The following SWT1 variants were observed in gnomAD, a reference collection of about 807,000 sequenced individuals.
SWT1 encodes transcriptional protein SWT1.
In SWT1, 33 loss-of-function variants were observed where a neutral mutation model predicts 107.3. That is an observed-to-expected ratio of 0.31 (90% confidence interval 0.23 to 0.41). SWT1 has a LOEUF of 0.41. SWT1 is among the 10% of genes least tolerant of loss of function. SWT1 has a pLI of 1.00. For synonymous variants in SWT1, 345 were observed against 348.3 expected, an observed-to-expected ratio of 0.99 and a Z score of 0.11; for missense variants, 898 against 1,028.9, an observed-to-expected ratio of 0.87 and a Z score of 1.74.
At chr1:185,277,823 T>G (rs921929554) in intron 18 of SWT1, among the ~76,000 whole-genome samples, 5 of 152,320 alleles carry the variant, frequency 3.3e-5, no homozygotes, top group South Asian at 4.1e-4. Context: ...TCTTTTTTTT[T>G]TGTGGTTTTA....
chr1:185,285,867 A>T (rs928515760), intron 18 of SWT1, among the ~76,000 whole-genome samples: 1 of 152,198 alleles, frequency 6.6e-6, no homozygotes, highest in Admixed American at 6.5e-5. Context: ...AGTTGACCAT[A>T]TATGTGAGGG....
At chr1:185,271,200 C>G (rs1181325203) in intron 16 of SWT1, 123 bp from the exon 17 acceptor site, 2 of 616,166 alleles carry the variant, frequency 3.2e-6, no homozygotes, top group Non-Finnish European at 5.8e-6. Flanking sequence ...TATTATAAAC[C>G]TGTAAGCTTA....
At chr1:185,199,712 A>G (rs762570923) in intron 10 of SWT1, among the ~76,000 whole-genome samples, 4 of 152,078 alleles carry the variant, frequency 2.6e-5, no homozygotes, top group Non-Finnish European at 5.9e-5. Context: ...GAATGTGACA[A>G]TTATGTGTCT....
intron 9 of SWT1, among the ~76,000 whole-genome samples, chr1:185,186,490 C>CA (rs1262935153): frequency 6.6e-6 from 1 of 151,814 alleles, no homozygotes; most frequent in Non-Finnish European, 1.5e-5. Context: ...ATTTATGTAA[C>CA]AAAAAAATTA....
chr1:185,231,792 A>G (rs1660525291), intron 16 of SWT1, 84 bp downstream of exon 16: 1 of 1,066,774 alleles, frequency 9.4e-7, no homozygotes, highest in Admixed American at 2.1e-5. Flanking sequence ...CAGAGTTGCT[A>G]GGAGTCACAT....
intron 16 of SWT1, among the ~76,000 whole-genome samples, chr1:185,249,658 A>G (rs1571614031): frequency 6.6e-6 from 1 of 152,006 alleles, no homozygotes; most frequent in East Asian, 1.9e-4. Flanking sequence ...CCCACCCCAT[A>G]CTTTGTAAAT....
intron 16 of SWT1, among the ~76,000 whole-genome samples, chr1:185,250,767 AT>A (rs1571616211): frequency 6.6e-6 from 1 of 151,932 alleles, no homozygotes; most frequent in East Asian, 1.9e-4. Context: ...GGTTCAAGTG[AT>A]TGTTCTTTCT....
intron 16 of SWT1, among the ~76,000 whole-genome samples, chr1:185,256,567 T>C (rs1030735914): frequency 6.9e-6 from 1 of 145,934 alleles, no homozygotes; most frequent in African/African-American, 2.6e-5. Context: ...TTCCAGTTGA[T>C]CGCATTGGCT....
chr1:185,201,095 C>T (rs1336990450), intron 10 of SWT1, among the ~76,000 whole-genome samples: 4 of 152,082 alleles, frequency 2.6e-5, no homozygotes, highest in Non-Finnish European at 4.4e-5. Context: ...GCGGATGCCC[C>T]TCCCCCCACC....
intron 16 of SWT1, among the ~76,000 whole-genome samples, chr1:185,244,445 T>TA (rs148822530): frequency 0.011 from 1,650 of 152,144 alleles, 26 homozygotes; most frequent in African/African-American, 0.036. Flanking sequence ...TACCTAAACA[T>TA]ACGTAAACAT....
chr1:185,284,725 A>G (rs962072461), intron 18 of SWT1, among the ~76,000 whole-genome samples: 6 of 152,172 alleles, frequency 3.9e-5, no homozygotes, highest in Non-Finnish European at 8.8e-5. Flanking sequence ...TGTCCAGCAT[A>G]TGGCAGTTGT....
intron 2 of SWT1, among the ~76,000 whole-genome samples, chr1:185,164,386 C>T (rs1390827880): frequency 1.3e-5 from 2 of 152,188 alleles, no homozygotes; most frequent in Non-Finnish European, 2.9e-5. Context: ...GCATTAGCCC[C>T]TAACCAGAGT....
intron 16 of SWT1, among the ~76,000 whole-genome samples, chr1:185,259,181 A>T (rs1461919825): frequency 6.6e-6 from 1 of 152,056 alleles, no homozygotes; most frequent in East Asian, 1.9e-4. Flanking sequence ...CTCCTCCTCA[A>T]AGTCAGCCAA....
intron 16 of SWT1, among the ~76,000 whole-genome samples, chr1:185,260,893 C>T (rs567370858): frequency 1.0e-3 from 154 of 152,112 alleles, no homozygotes; most frequent in Non-Finnish European, 6.9e-4. Flanking sequence ...TGAAATTTTT[C>T]TTGACTCTTT....
At chr1:185,233,782 C>G (rs893429809) in intron 16 of SWT1, among the ~76,000 whole-genome samples, 1 of 152,124 alleles carries the variant, frequency 6.6e-6, no homozygotes, top group Admixed American at 6.6e-5. Flanking sequence ...CTTGCTCTGT[C>G]GCCCAGGCTG....
At chr1:185,204,915 T>C (rs1658208225) in intron 12 of SWT1, 52 bp downstream of exon 12, 1 of 1,092,328 alleles carries the variant, frequency 9.2e-7, no homozygotes, top group Non-Finnish European at 1.3e-6. Context: ...TGCTGAAGAT[T>C]TGTTATCTTA....
chr1:185,187,420 C>A (rs1656585712), intron 9 of SWT1, among the ~76,000 whole-genome samples: 1 of 152,004 alleles, frequency 6.6e-6, no homozygotes, highest in Non-Finnish European at 1.5e-5. Context: ...ATCTGCCACT[C>A]CCCCAATCAG....
At chr1:185,223,097 C>T (rs879745491) in intron 15 of SWT1, among the ~76,000 whole-genome samples, 5 of 152,188 alleles carry the variant, frequency 3.3e-5, no homozygotes, top group Admixed American at 2.0e-4. Flanking sequence ...TACGGTAGTT[C>T]GGTTTTTAAT....
At chr1:185,216,813 A>G (rs181659764) in intron 14 of SWT1, among the ~76,000 whole-genome samples, 288 of 152,168 alleles carry the variant, frequency 1.9e-3, no homozygotes, top group African/African-American at 6.6e-3. Flanking sequence ...TTAGCCAGGC[A>G]TGGTGGCACA....
Sources: allele counts gnomAD v4.1 joint callset (sites outside exome capture counted in the v4.1 genomes callset), GRCh38; gene constraint gnomAD v4.1.1; transcripts MANE v1.5; gene names NCBI Gene and HGNC (gene_info 2026-07-23, HGNC 2026-07-21).